Variants in TMEM117 observed in about 807,000 individuals in gnomAD.
The protein encoded by TMEM117 is transmembrane protein 117.
TMEM117 carries 27 observed loss-of-function variants against 52.4 expected under a neutral mutation model. The ratio of observed to expected loss-of-function variants is 0.51; its 90% CI spans 0.38 to 0.71. The LOEUF is 0.71. Among genes scored for constraint, TMEM117 ranks in the 30% least tolerant of loss-of-function variants. The probability of loss-of-function intolerance (pLI) is 0.00; values close to 1 mark genes in which losing one functional copy is unlikely to be tolerated. For missense variants in TMEM117, 556 were observed against 630.5 expected, an observed-to-expected ratio of 0.88 and a Z score of 1.26; for synonymous variants, 215 against 206.3, an observed-to-expected ratio of 1.04 and a Z score of -0.36.
In TMEM117 at chr12:44,208,780, T is replaced by C. The variant is rs972784624; in HGVS notation, c.511-2510T>C. ...TCTAACCATTTTCCTGAGAAAATGC[T>C]TTATCCTTGAATGTCATTTTTACAC... is the stretch of plus-strand genomic sequence containing the variant. On this transcript the variant is annotated intron_variant, in intron 4 of 7. Transcript: ENST00000266534. Among the ~76,000 whole-genome samples the C allele has an allele frequency of 2.0e-5, 3 of 147,494 alleles. No homozygotes were observed. The East Asian group carries it at 5.9e-4, about 29-fold the overall frequency.
chr12:44,032,679 C>G (rs1423444269), intron 3 of TMEM117, among the ~76,000 whole-genome samples: 1 of 152,174 alleles, frequency 6.6e-6, no homozygotes, highest in African/African-American at 2.4e-5. Flanking sequence ...TTTTTGTAAA[C>G]ACTTACTAAT....
intron 3 of TMEM117, among the ~76,000 whole-genome samples, chr12:44,090,837 G>GTCTTTTTTTTTTTTTTTT (rs1565823272): frequency 8.9e-6 from 1 of 112,426 alleles, no homozygotes; most frequent in African/African-American, 5.3e-5. Flanking sequence ...CTGTATTTAT[G>GTCTTTTTTTTTTTTTTTT]TGTTTTTTTT....
At chr12:44,281,427 A>G (rs1304485938) in intron 5 of TMEM117, among the ~76,000 whole-genome samples, 1 of 152,164 alleles carries the variant, frequency 6.6e-6, no homozygotes, top group African/African-American at 2.4e-5. Context: ...ATCCTCTTCA[A>G]GAGATGTTTG....
intron 2 of TMEM117, among the ~76,000 whole-genome samples, chr12:43,932,674 G>A (rs552480940): frequency 1.2e-4 from 19 of 152,176 alleles, no homozygotes; most frequent in African/African-American, 3.6e-4. Flanking sequence ...ATTATTCTTG[G>A]ATATTACTAA....
intron 2 of TMEM117, among the ~76,000 whole-genome samples, chr12:43,927,129 T>C (rs936343215): frequency 6.6e-6 from 1 of 152,158 alleles, no homozygotes; most frequent in Middle Eastern, 3.4e-3. Flanking sequence ...TGTTTCTTAA[T>C]CTCCATTGGG....
At chr12:43,878,011 CTG>C (rs1172561987) in intron 2 of TMEM117, among the ~76,000 whole-genome samples, 4 of 151,892 alleles carry the variant, frequency 2.6e-5, no homozygotes, top group African/African-American at 4.8e-5. Context: ...GTTCTTAAAA[CTG>C]TATCTTAGTG....
intron 4 of TMEM117, among the ~76,000 whole-genome samples, chr12:44,185,208 T>A (rs1949260554): frequency 6.6e-6 from 1 of 152,244 alleles, no homozygotes; most frequent in Non-Finnish European, 1.5e-5. Flanking sequence ...TACTTTGCAT[T>A]ATCAGTGACT....
intron 5 of TMEM117, among the ~76,000 whole-genome samples, chr12:44,269,998 AAAG>A (rs752098799): frequency 3.3e-5 from 5 of 152,246 alleles, no homozygotes; most frequent in African/African-American, 4.8e-5. Flanking sequence ...CGACCTGGAA[AAAG>A]AAGACTAAAG....
chr12:44,180,126 AT>A (rs1949171329), intron 4 of TMEM117, among the ~76,000 whole-genome samples: 2 of 152,082 alleles, frequency 1.3e-5, no homozygotes. Flanking sequence ...GCACCAAAAA[AT>A]GTGGCCCCTG....
chr12:43,936,417 C>T (rs1034032587), intron 2 of TMEM117, among the ~76,000 whole-genome samples: 1 of 151,984 alleles, frequency 6.6e-6, no homozygotes, highest in Admixed American at 6.6e-5. Context: ...GTTTGATTTC[C>T]TGGTAGGATA....
chr12:44,202,209 AAATATT>A (rs752737065), intron 4 of TMEM117, among the ~76,000 whole-genome samples: 15 of 152,174 alleles, frequency 9.9e-5, no homozygotes, highest in Non-Finnish European at 2.1e-4. Flanking sequence ...AATAAATAGA[AAATATT>A]AATACATGCC....
chr12:43,925,668 A>G (rs887506687), intron 2 of TMEM117, among the ~76,000 whole-genome samples: 2 of 152,176 alleles, frequency 1.3e-5, no homozygotes, highest in South Asian at 4.1e-4. Context: ...CTTCCTATTT[A>G]AAAACCTGTG....
intron 3 of TMEM117, among the ~76,000 whole-genome samples, chr12:44,136,857 C>A (rs1363135131): frequency 6.6e-6 from 1 of 151,970 alleles, no homozygotes; most frequent in African/African-American, 2.4e-5. Flanking sequence ...AAAAATGATA[C>A]AATAACGCTC....
At chr12:44,268,758 A>G (rs1592653206) in intron 5 of TMEM117, among the ~76,000 whole-genome samples, 1 of 152,116 alleles carries the variant, frequency 6.6e-6, no homozygotes, top group Non-Finnish European at 1.5e-5. Flanking sequence ...AATAAGTATG[A>G]GCACTATTTT....
intron 2 of TMEM117, among the ~76,000 whole-genome samples, chr12:43,930,019 T>C (rs896546359): frequency 6.6e-6 from 1 of 152,202 alleles, no homozygotes; most frequent in Non-Finnish European, 1.5e-5. Context: ...GATACAATCT[T>C]CCCTAGAGAA....
intron 5 of TMEM117, among the ~76,000 whole-genome samples, chr12:44,233,744 CA>C (rs1284832643): frequency 1.3e-5 from 2 of 151,166 alleles, no homozygotes; most frequent in Non-Finnish European, 3.0e-5. Flanking sequence ...ATTATATTGC[CA>C]AATTTTATCA....
chr12:44,093,022 A>G (rs553001581), intron 3 of TMEM117, among the ~76,000 whole-genome samples: 13 of 151,722 alleles, frequency 8.6e-5, no homozygotes, highest in Non-Finnish European at 1.5e-4. Context: ...ACATAAGGAT[A>G]GAAATTAGAC....
At chr12:43,984,516 A>G (rs1468129080) in intron 3 of TMEM117, among the ~76,000 whole-genome samples, 2 of 152,180 alleles carry the variant, frequency 1.3e-5, no homozygotes, top group Non-Finnish European at 2.9e-5. Context: ...TTTCCACTGC[A>G]GTTAATCTCC....
chr12:44,170,590 A>G (rs1949031868), intron 4 of TMEM117, among the ~76,000 whole-genome samples: 1 of 152,158 alleles, frequency 6.6e-6, no homozygotes, highest in Admixed American at 6.5e-5. Context: ...TAAAGCCTGC[A>G]TTTTCAATAC....
Sources: allele counts gnomAD v4.1 joint callset (sites outside exome capture counted in the v4.1 genomes callset), GRCh38; gene constraint gnomAD v4.1.1; transcripts MANE v1.5; gene names NCBI Gene and HGNC (gene_info 2026-07-23, HGNC 2026-07-21).